The following SPAG9 variants were observed in gnomAD, a reference collection of about 807,000 sequenced individuals.
SPAG9 encodes C-Jun-amino-terminal kinase-interacting protein 4.
In SPAG9, 35 loss-of-function variants were observed where a neutral mutation model predicts 166.5. The observed-to-expected ratio is 0.21, with a 90% confidence interval of 0.16 to 0.28. The LOEUF is 0.28. Ranked by LOEUF, SPAG9 falls within the 10% of genes least tolerant of loss-of-function variation. The pLI is 1.00. For synonymous variants in SPAG9, 534 were observed against 565.5 expected (o/e 0.94, Z 0.79); for missense variants, 1,235 against 1,603.3 (o/e 0.77, Z 3.92).
In SPAG9 at chr17:51,077,193, G is replaced by A. The variant is rs1383000643; in HGVS notation, c.424+2391C>T. ...AGGCCAAGTGTAGTGGTGTGATCTCGGCTCACTGCAACCTCCACCTCCCGG... is the reference window on the plus strand; with the variant it reads ...AGGCCAAGTGTAGTGGTGTGATCTCAGCTCACTGCAACCTCCACCTCCCGG... On this transcript the variant is annotated intron_variant, in intron 2 of 29. Transcript: ENST00000262013. Among the ~76,000 whole-genome samples, 4 of 150,946 alleles carry A rather than the reference G, an allele frequency of 2.6e-5. No homozygotes were observed. In the Admixed American group the frequency reaches 2.7e-4, roughly 10 times the overall value.
intron 22 of SPAG9, among the ~76,000 whole-genome samples, chr17:50,986,380 T>G (rs1028616608): frequency 7.2e-5 from 11 of 152,252 alleles, no homozygotes; most frequent in South Asian, 2.1e-4. Flanking sequence ...AAAGACATAC[T>G]ACAGGTTGAG....
chr17:51,119,946 C>T (rs1568106109), intron 1 of SPAG9, among the ~76,000 whole-genome samples: 4 of 152,228 alleles, frequency 2.6e-5, no homozygotes, highest in South Asian at 4.1e-4. Context: ...GCGGAAGTTA[C>T]ATATCCAGGG....
intron 29 of SPAG9, among the ~76,000 whole-genome samples, chr17:50,969,296 C>T (rs975817382): frequency 6.6e-6 from 1 of 152,162 alleles, no homozygotes; most frequent in Admixed American, 6.5e-5. Context: ...CTATGCTCTT[C>T]AAGATCAACA....
chr17:51,025,316 CAAAAAAAAAAAAAAAA>C (rs10549685), intron 6 of SPAG9, among the ~76,000 whole-genome samples: 9 of 61,110 alleles, frequency 1.5e-4, no homozygotes, highest in Admixed American at 6.4e-4. Flanking sequence ...GACTCTGTCT[CAAAAAAAAAAAAAAAA>C]AAAAAAAAAA....
chr17:51,085,363 A>C (rs2048278848), intron 1 of SPAG9: 1 of 152,240 alleles, frequency 6.6e-6, no homozygotes, highest in Non-Finnish European at 1.5e-5. Context: ...GTTCAGCTTC[A>C]GAAGATGGAT....
chr17:51,111,250 T>C (rs1450077505), intron 1 of SPAG9, among the ~76,000 whole-genome samples: 1 of 152,216 alleles, frequency 6.6e-6, no homozygotes, highest in Non-Finnish European at 1.5e-5. Flanking sequence ...ATATATAACA[T>C]TACATACATT....
intron 2 of SPAG9, among the ~76,000 whole-genome samples, chr17:51,077,016 AGC>A (rs1270387264): frequency 1.4e-4 from 13 of 92,798 alleles, no homozygotes; most frequent in African/African-American, 4.5e-4. Context: ...CTAGCTAGCT[AGC>A]TATCTAGCTA....
rs2047195850 is a variant in SPAG9, at chr17:51,051,956, GC to G, written c.495+4455del. On this transcript the variant is annotated intron_variant, in intron 3 of 29. Coordinates refer to ENST00000262013, the MANE Select transcript of SPAG9 (RefSeq NM_001130528.3). ...TTTGGTGATTAGCATACACATGTGGGCCCGAGTGCTTCAAAATTGTCCTTTA... is the reference window on the plus strand; with the variant it reads ...TTTGGTGATTAGCATACACATGTGGGCCGAGTGCTTCAAAATTGTCCTTTA... 8.5e-5 allele frequency among the ~76,000 whole-genome samples: 13 copies of G among 152,160 alleles called. No individual in the cohort carries two copies. In the South Asian group the frequency reaches 2.7e-3, roughly 32 times the overall value.
At chr17:50,978,751 A>T (rs1453578853) in intron 26 of SPAG9, among the ~76,000 whole-genome samples, 1 of 152,174 alleles carries the variant, frequency 6.6e-6, no homozygotes, top group Non-Finnish European at 1.5e-5. Context: ...AGGACCCTGA[A>T]ATGGGAAGGA....
chr17:51,028,155 T>G (rs553357510), intron 6 of SPAG9, among the ~76,000 whole-genome samples: 23 of 152,202 alleles, frequency 1.5e-4, no homozygotes, highest in African/African-American at 5.5e-4. Flanking sequence ...ACAATGTGTT[T>G]GTGTTTTAAG....
chr17:51,037,714 GTGTGTGTA>G (rs1239565197), intron 5 of SPAG9, among the ~76,000 whole-genome samples: 25 of 123,948 alleles, frequency 2.0e-4, no homozygotes, highest in African/African-American at 6.5e-4. Context: ...GTGTGTGTGT[GTGTGTGTA>G]TAAACATTTT....
chr17:51,026,478 C>T (rs2046178512), intron 6 of SPAG9, among the ~76,000 whole-genome samples: 2 of 151,892 alleles, frequency 1.3e-5, no homozygotes, highest in Non-Finnish European at 2.9e-5. Flanking sequence ...TTATCCTAGG[C>T]TATCCAAATA....
intron 1 of SPAG9, among the ~76,000 whole-genome samples, chr17:51,088,922 G>A (rs1197366951): frequency 4.0e-5 from 6 of 149,626 alleles, no homozygotes; most frequent in Non-Finnish European, 5.9e-5. Flanking sequence ...GTGCAACCCC[G>A]CATCTACTAA....
At position 50,962,245 on chromosome 17, in the gene SPAG9, T is replaced by C. The variant is rs945596818; in HGVS notation, c.*4027A>G. Reference sequence around the variant, plus strand: ...ATTCTGAACCCCAGGGATTCCATAATAGAAATAAATACTGAAATAACTACA... The same window carrying C: ...ATTCTGAACCCCAGGGATTCCATAACAGAAATAAATACTGAAATAACTACA... On this transcript the variant is annotated 3_prime_UTR_variant, in exon 30 of 30. Coordinates refer to ENST00000262013, the MANE Select transcript of SPAG9 (RefSeq NM_001130528.3). The C allele has an allele frequency of 6.6e-6, 1 of 152,176 alleles. No homozygotes were observed. The highest frequency in any genetic ancestry group is 2.4e-5 in the African/African-American group (1 of 41,440). 9.4% of individuals were successfully genotyped at this position (152,176 alleles called of 1,614,324 possible).
chr17:51,099,079 G>A (rs1268144411), intron 1 of SPAG9, among the ~76,000 whole-genome samples: 30 of 129,268 alleles, frequency 2.3e-4, no homozygotes, highest in African/African-American at 9.1e-4. Flanking sequence ...CAGGCTGGGT[G>A]ACAGAGCGAG....
chr17:51,040,032 C>T (rs988614536), intron 5 of SPAG9, among the ~76,000 whole-genome samples: 19 of 151,914 alleles, frequency 1.3e-4, no homozygotes, highest in Non-Finnish European at 2.4e-4. Context: ...GTCAGGAGTT[C>T]GAGGTCAGCC....
intron 29 of SPAG9, among the ~76,000 whole-genome samples, chr17:50,969,105 G>A (rs984270526): frequency 2.6e-5 from 4 of 151,880 alleles, no homozygotes; most frequent in African/African-American, 7.3e-5. Flanking sequence ...GCTAATTTTT[G>A]TATTTTTATT....
chr17:51,003,934 A>G (rs1008371956), intron 12 of SPAG9, among the ~76,000 whole-genome samples: 6 of 152,210 alleles, frequency 3.9e-5, no homozygotes, highest in Non-Finnish European at 7.3e-5. Context: ...AGCTGAGACA[A>G]ACTAAATATT....
intron 1 of SPAG9, among the ~76,000 whole-genome samples, chr17:51,094,914 T>C (rs963292611): frequency 2.0e-5 from 3 of 152,214 alleles, no homozygotes; most frequent in African/African-American, 4.8e-5. Flanking sequence ...TGAAACTGAA[T>C]AGGCAATTCA....
Sources: gnomAD v4.1 joint callset for allele counts (sites outside exome capture counted in the v4.1 genomes callset) on GRCh38, gnomAD v4.1.1 for gene constraint, MANE v1.5 for transcripts, NCBI Gene and HGNC (gene_info 2026-07-23, HGNC 2026-07-21) for gene names.